PCDH15: variants seen among roughly 807,000 people sequenced by gnomAD.
The protein encoded by PCDH15 is protocadherin-15.
PCDH15 carries 129 observed loss-of-function variants against 178.5 expected under a neutral mutation model. The ratio of observed to expected loss-of-function variants is 0.72; its 90% confidence interval spans 0.63 to 0.84. The LOEUF is 0.84. Among genes scored for constraint, PCDH15 ranks in the 40% least tolerant of loss-of-function variants. PCDH15 has a pLI of 0.00. For synonymous variants in PCDH15, 800 were observed against 732.0 expected (o/e 1.09, Z -1.50); for missense variants, 2,230 against 2,099.9 (o/e 1.06, Z -1.21).
At chr10:53,968,350 C>T (rs1477977363) in intron 21 of PCDH15, among the ~76,000 whole-genome samples, 1 of 152,114 alleles carries the variant, frequency 6.6e-6, no homozygotes, top group Non-Finnish European at 1.5e-5. Context: ...ACAAAGTGGA[C>T]AGGAAGCTCG....
intron 5 of PCDH15, among the ~76,000 whole-genome samples, chr10:54,360,432 C>T (rs1298878549): frequency 2.6e-5 from 4 of 152,038 alleles, no homozygotes; most frequent in African/African-American, 9.7e-5. Context: ...CAGTGATTGG[C>T]TTTCTGTGTG....
At chr10:55,289,629 T>C (rs769919097) in intron 1 of PCDH15, among the ~76,000 whole-genome samples, 6 of 152,108 alleles carry the variant, frequency 3.9e-5, no homozygotes, top group Non-Finnish European at 8.8e-5. Flanking sequence ...GCATTTTATA[T>C]AGGGATCCAT....
chr10:54,377,237 TATGC>T (rs1449698338), intron 4 of PCDH15, among the ~76,000 whole-genome samples: 1 of 152,094 alleles, frequency 6.6e-6, no homozygotes. Flanking sequence ...TCTTCATATA[TATGC>T]TTCTTATTTT....
rs1248976351 is a variant in PCDH15 at position 53,961,762 on chromosome 10, G to A, written c.2999C>T (p.Thr1000Ile). The change falls in exon 22 of 38, where the codon ACA becomes ATA. Residue 1000 changes from threonine (T) to isoleucine (I), a missense_variant. Coordinates refer to ENST00000644397, the MANE Select transcript of PCDH15 (RefSeq NM_001384140.1). ...AAAAGAGACACTGACCTTAAAAATT[G>A]TTGTAGGTTCTTCATTAAGATTGAC... ...TRVNLNEEPT[T>I]IFKLVVVAFD... is the part of the protein sequence containing the mutation. The A allele has an allele frequency of 6.2e-7, 1 of 1,605,866 alleles. No homozygotes were observed. Among genetic ancestry groups the A allele is most frequent in the Non-Finnish European group, 8.5e-7 (1 of 1,175,630 alleles).
chr10:54,151,003 T>A (rs2044471638), intron 14 of PCDH15, among the ~76,000 whole-genome samples: 1 of 152,168 alleles, frequency 6.6e-6, no homozygotes, highest in Non-Finnish European at 1.5e-5. Context: ...AGTCATTATA[T>A]CATCAACTCA....
At chr10:54,771,312 G>A (rs990776859) in intron 1 of PCDH15, among the ~76,000 whole-genome samples, 1 of 151,722 alleles carries the variant, frequency 6.6e-6, no homozygotes, top group Admixed American at 6.6e-5. Flanking sequence ...CAAATGTGTT[G>A]GAGACTTTAT....
chr10:55,282,883 T>A (rs1397982308), intron 1 of PCDH15, among the ~76,000 whole-genome samples: 1 of 152,200 alleles, frequency 6.6e-6, no homozygotes, highest in Non-Finnish European at 1.5e-5. Context: ...CCCATTTTGC[T>A]TCTAATCTCC....
chr10:53,919,369 T>C (rs1276912134), intron 25 of PCDH15, among the ~76,000 whole-genome samples: 3 of 152,182 alleles, frequency 2.0e-5, no homozygotes, highest in Non-Finnish European at 2.9e-5. Flanking sequence ...AAAACAAAAT[T>C]CTGTTTTAAT....
chr10:54,648,057 A>C (rs1311987667), intron 2 of PCDH15, among the ~76,000 whole-genome samples: 1 of 152,116 alleles, frequency 6.6e-6, no homozygotes, highest in African/African-American at 2.4e-5. Context: ...AAAGAGTTTC[A>C]ATTATTCTTT....
intron 2 of PCDH15, among the ~76,000 whole-genome samples, chr10:54,997,885 C>T (rs1839685609): frequency 6.6e-6 from 1 of 152,010 alleles, no homozygotes; most frequent in Non-Finnish European, 1.5e-5. Flanking sequence ...TTTAGACGCT[C>T]CTTTGATGTC....
intron 2 of PCDH15, among the ~76,000 whole-genome samples, chr10:55,418,955 T>G (rs1451260300): frequency 1.3e-5 from 2 of 151,804 alleles, no homozygotes; most frequent in African/African-American, 4.8e-5. Flanking sequence ...TTCCTACTTT[T>G]GAAAACATTA....
chr10:55,269,715 T>C (rs956704208), intron 1 of PCDH15, among the ~76,000 whole-genome samples: 1 of 152,098 alleles, frequency 6.6e-6, no homozygotes, highest in Admixed American at 6.6e-5. Context: ...TCCAAAGTGA[T>C]TTTACAGATT....
At chr10:54,860,093 G>A (rs558424672) in intron 3 of PCDH15, among the ~76,000 whole-genome samples, 58 of 152,184 alleles carry the variant, frequency 3.8e-4, no homozygotes, top group African/African-American at 1.3e-3. Flanking sequence ...ATGCATGTGT[G>A]TGGGGGTGTG....
intron 2 of PCDH15, among the ~76,000 whole-genome samples, chr10:55,026,755 T>C (rs1840485147): frequency 6.6e-6 from 1 of 151,942 alleles, no homozygotes; most frequent in African/African-American, 2.4e-5. Flanking sequence ...GAGGATATTT[T>C]TGTGGGAAGA....
intron 16 of PCDH15, among the ~76,000 whole-genome samples, chr10:54,088,162 G>A (rs1453856149): frequency 1.3e-5 from 2 of 152,036 alleles, no homozygotes; most frequent in Admixed American, 1.3e-4. Context: ...CATTTTACAT[G>A]GCCACATAAA....
At position 54,619,817 on chromosome 10, in the gene PCDH15, A is replaced by C. The variant is rs145331529; in HGVS notation, c.91+44355T>G. ...CTATTTCTATTCTTCTAAAGTTCTT[A>C]ATCTGTGTTCTAAATCTGGGACTGG... is the stretch of plus-strand genomic sequence containing the variant. On this transcript the variant is annotated intron_variant, in intron 2 of 37. Coordinates refer to ENST00000644397, the MANE Select transcript of PCDH15 (RefSeq NM_001384140.1). 1.4e-4 allele frequency among the ~76,000 whole-genome samples: 21 copies of C among 152,136 alleles called. No homozygotes were observed. The East Asian group carries it at 4.1e-3, about 30-fold the overall frequency.
intron 2 of PCDH15, among the ~76,000 whole-genome samples, chr10:55,380,699 C>T (rs930001039): frequency 2.0e-5 from 3 of 152,124 alleles, no homozygotes; most frequent in South Asian, 4.1e-4. Context: ...GGAGAAGGGA[C>T]AAGGGGCCAA....
intron 1 of PCDH15, among the ~76,000 whole-genome samples, chr10:55,184,019 CTT>C (rs1414017061): frequency 6.6e-6 from 1 of 151,902 alleles, no homozygotes; most frequent in Non-Finnish European, 1.5e-5. Context: ...GTTTACCTCT[CTT>C]TTTCTGATGC....
At chr10:54,404,429 C>G (rs1335040030) in intron 3 of PCDH15, among the ~76,000 whole-genome samples, 3 of 152,052 alleles carry the variant, frequency 2.0e-5, no homozygotes, top group Non-Finnish European at 4.4e-5. Context: ...GAAAGGACTC[C>G]CTATTTAGTA....
Sources: gnomAD v4.1 joint callset for allele counts (sites outside exome capture counted in the v4.1 genomes callset) on GRCh38, gnomAD v4.1.1 for gene constraint, MANE v1.5 for transcripts, NCBI Gene and HGNC (gene_info 2026-07-23, HGNC 2026-07-21) for gene names.